Variants in CHN2 observed in about 807,000 individuals in gnomAD.
The protein encoded by CHN2 is beta-chimaerin.
CHN2 carries 35 observed loss-of-function variants against 56.3 expected under a neutral mutation model. That is an observed-to-expected ratio of 0.62 (90% CI 0.47 to 0.82). The LOEUF (loss-of-function observed/expected upper bound fraction) is 0.82. Among genes scored for constraint, CHN2 ranks in the 40% least tolerant of loss-of-function variants. CHN2 has a pLI of 0.00. For synonymous variants in CHN2, 210 were observed against 212.8 expected (o/e 0.99, Z 0.12); for missense variants, 491 against 580.5 (o/e 0.85, Z 1.58).
chr7:29,379,093 A>G (rs972051402), intron 3 of CHN2, among the ~76,000 whole-genome samples: 16 of 152,140 alleles, frequency 1.1e-4, no homozygotes, highest in African/African-American at 3.6e-4. Flanking sequence ...ATGTTAGTGG[A>G]AAAAAAAGGA....
At chr7:29,361,185 A>G (rs1431667012) in intron 2 of CHN2, among the ~76,000 whole-genome samples, 1 of 152,228 alleles carries the variant, frequency 6.6e-6, no homozygotes, top group Non-Finnish European at 1.5e-5. Flanking sequence ...GTGTTTGTTG[A>G]ACAAGGAAAA....
chr7:29,294,655 A>C (rs1166147157), intron 1 of CHN2, among the ~76,000 whole-genome samples: 1 of 152,218 alleles, frequency 6.6e-6, no homozygotes, highest in Non-Finnish European at 1.5e-5. Context: ...CTCAAAATGC[A>C]GCAAATCCCT....
chr7:29,261,672 T>C (rs1467914030), intron 1 of CHN2, among the ~76,000 whole-genome samples: 1 of 152,208 alleles, frequency 6.6e-6, no homozygotes, highest in Non-Finnish European at 1.5e-5. Context: ...ACAGAAAATA[T>C]TTGGGCAGAA....
intron 7 of CHN2, among the ~76,000 whole-genome samples, chr7:29,487,181 T>C (rs1788112720): frequency 6.6e-6 from 1 of 150,838 alleles, no homozygotes; most frequent in African/African-American, 2.5e-5. Context: ...AGAAATTGGC[T>C]TCAGAATGGT....
chr7:29,406,863 T>C (rs936962277), intron 6 of CHN2, among the ~76,000 whole-genome samples: 2 of 152,214 alleles, frequency 1.3e-5, no homozygotes, highest in African/African-American at 4.8e-5. Flanking sequence ...AGGCAGAGGC[T>C]ACTCCTCAGC....
intron 1 of CHN2, among the ~76,000 whole-genome samples, chr7:29,241,103 C>G (rs1032473972): frequency 1.3e-5 from 2 of 152,106 alleles, no homozygotes; most frequent in African/African-American, 4.8e-5. Context: ...CCAGGCTGAT[C>G]TTGACCTCCT....
chr7:29,453,118 T>C (rs557767050), intron 6 of CHN2, among the ~76,000 whole-genome samples: 5 of 152,370 alleles, frequency 3.3e-5, no homozygotes, highest in South Asian at 2.1e-4. Context: ...CCACCTGCTA[T>C]CTGCCAATGG....
At chr7:29,228,964 G>T (rs1042050165) in intron 1 of CHN2, among the ~76,000 whole-genome samples, 1 of 152,200 alleles carries the variant, frequency 6.6e-6, no homozygotes, top group African/African-American at 2.4e-5. Context: ...TGATTTCTGA[G>T]CAGAGTGACA....
intron 6 of CHN2, among the ~76,000 whole-genome samples, chr7:29,473,933 A>G (rs184933122): frequency 1.1e-4 from 17 of 152,324 alleles, no homozygotes; most frequent in Admixed American, 9.8e-4. Context: ...AATCATTTTT[A>G]TATAATGGAA....
chr7:29,507,136 T>G, intron 10 of CHN2, 92 bp from the exon 11 acceptor site: 2 of 1,179,904 alleles, frequency 1.7e-6, no homozygotes, highest in Non-Finnish European at 2.4e-6. Context: ...TCAGGGAGCA[T>G]TCATCGCTGG....
chr7:29,408,172 G>A (rs1802835470), intron 6 of CHN2, among the ~76,000 whole-genome samples: 2 of 150,364 alleles, frequency 1.3e-5, no homozygotes, highest in Admixed American at 6.6e-5. Context: ...CCTGGACGGC[G>A]GAGTGAGACT....
At chr7:29,455,501 C>T (rs955493776) in intron 6 of CHN2, among the ~76,000 whole-genome samples, 1 of 152,198 alleles carries the variant, frequency 6.6e-6, no homozygotes, top group African/African-American at 2.4e-5. Flanking sequence ...GGTTTCCTGA[C>T]TTCCTATTTA....
At chr7:29,448,243 AT>A in intron 6 of CHN2, among the ~76,000 whole-genome samples, 1 of 150,826 alleles carries the variant, frequency 6.6e-6, no homozygotes, top group Non-Finnish European at 1.5e-5. Context: ...CTCTTTCCTT[AT>A]TTTTGAAACT....
At chr7:29,251,499 T>C (rs1483860009) in intron 1 of CHN2, among the ~76,000 whole-genome samples, 2 of 152,156 alleles carry the variant, frequency 1.3e-5, no homozygotes, top group Non-Finnish European at 2.9e-5. Context: ...ATAAAATACC[T>C]GCCTTCTAAT....
At chr7:29,195,205 C>A (rs1783524620) in intron 1 of CHN2, 3 of 481,318 alleles carry the variant, frequency 6.2e-6, no homozygotes, top group Non-Finnish European at 3.6e-6. Context: ...GGTGGGAGAG[C>A]GGTGGTGCCC....
chr7:29,177,460 G>T (rs1797503538), intron 2 of CHN2, among the ~76,000 whole-genome samples: 1 of 151,878 alleles, frequency 6.6e-6, no homozygotes, highest in African/African-American at 2.4e-5. Flanking sequence ...CACCATGTTG[G>T]CCAGCCTGGT....
At chr7:29,254,166 G>A (rs1788872305) in intron 1 of CHN2, among the ~76,000 whole-genome samples, 1 of 152,198 alleles carries the variant, frequency 6.6e-6, no homozygotes, top group South Asian at 2.1e-4. Flanking sequence ...GCCTCCCAAA[G>A]TGCTGGGATT....
intron 9 of CHN2, among the ~76,000 whole-genome samples, chr7:29,503,245 C>T (rs941721739): frequency 6.6e-6 from 1 of 152,204 alleles, no homozygotes; most frequent in East Asian, 1.9e-4. Flanking sequence ...CAAGCTCGCT[C>T]TCTCACTCTC....
chr7:29,434,043 C>T (rs1024758040), intron 6 of CHN2, among the ~76,000 whole-genome samples: 2 of 152,104 alleles, frequency 1.3e-5, no homozygotes, highest in African/African-American at 4.8e-5. Flanking sequence ...TCCCTCTTGG[C>T]CATCTTTTCT....
Sources: gnomAD v4.1 joint callset for allele counts (sites outside exome capture counted in the v4.1 genomes callset) on GRCh38, gnomAD v4.1.1 for gene constraint, MANE v1.5 for transcripts, NCBI Gene and HGNC (gene_info 2026-07-23, HGNC 2026-07-21) for gene names.